AKAP13: variants seen among roughly 807,000 people sequenced by gnomAD.
AKAP13 encodes the protein A-kinase anchoring protein 13, also known as A-kinase anchor protein 13.
Under a neutral mutation model 264.5 loss-of-function variants are expected in AKAP13, and 80 were observed. The observed-to-expected ratio is 0.30, with a 90% CI of 0.25 to 0.36. AKAP13 has a LOEUF of 0.36. AKAP13 is among the 10% of genes least tolerant of loss of function. The pLI is 1.00. For synonymous variants in AKAP13, 1,380 were observed against 1,250.2 expected, an observed-to-expected ratio of 1.10 and a Z score of -2.19; for missense variants, 3,712 against 3,435.2, an observed-to-expected ratio of 1.08 and a Z score of -2.01.
chr15:85,576,009 C>A (rs962342260), intron 6 of AKAP13, among the ~76,000 whole-genome samples: 1 of 152,146 alleles, frequency 6.6e-6, no homozygotes, highest in Non-Finnish European at 1.5e-5. Flanking sequence ...GAAGGACTTT[C>A]CCCAAAGATT....
intron 8 of AKAP13, chr15:85,619,703 G>T: frequency 1.0e-6 from 1 of 995,738 alleles, no homozygotes; most frequent in African/African-American, 1.7e-5. Flanking sequence ...TGTATCGGCC[G>T]TTATGCTTAG....
At chr15:85,695,210 G>A (rs1417168447) in intron 17 of AKAP13, among the ~76,000 whole-genome samples, 1 of 152,188 alleles carries the variant, frequency 6.6e-6, no homozygotes, top group African/African-American at 2.4e-5. Flanking sequence ...TTCGAAACCA[G>A]CCTGGCCAAC....
chr15:85,560,877 T>C (rs940386793), intron 5 of AKAP13, among the ~76,000 whole-genome samples: 1 of 152,132 alleles, frequency 6.6e-6, no homozygotes, highest in Non-Finnish European at 1.5e-5. Context: ...TGGCCAGTAT[T>C]AACTCTGCTT....
intron 25 of AKAP13, 37 bp downstream of exon 25, chr15:85,722,384 G>A: frequency 6.5e-7 from 1 of 1,533,672 alleles, no homozygotes; most frequent in Non-Finnish European, 8.9e-7. Flanking sequence ...GTATGGTCAT[G>A]GACTGTTTCC....
At position 85,683,049 on chromosome 15, in the gene AKAP13, G is replaced by C. The variant is rs184001354; in HGVS notation, c.5156+837G>C. ...TATGAGATAGAATATTCTACTTGAA[G>C]TTTAATTGGGGTTCCTATGGCTGCC... On this transcript the variant is annotated intron_variant, in intron 15 of 36. Coordinates refer to ENST00000394518, the MANE Select transcript of AKAP13 (RefSeq NM_007200.5). Among the ~76,000 whole-genome samples, 437 of 152,330 alleles carry C rather than the reference G, an allele frequency of 2.9e-3. 1 individual carries two copies. Among genetic ancestry groups the C allele is most frequent in the Middle Eastern group, 6.8e-3 (2 of 294 alleles).
intron 1 of AKAP13, among the ~76,000 whole-genome samples, chr15:85,396,581 A>G (rs1290951057): frequency 6.6e-6 from 1 of 152,164 alleles, no homozygotes; most frequent in Non-Finnish European, 1.5e-5. Context: ...TTGTCCTGAA[A>G]GTCACTACGA....
At chr15:85,523,523 C>T (rs528343556) in intron 3 of AKAP13, among the ~76,000 whole-genome samples, 89 of 152,276 alleles carry the variant, frequency 5.8e-4, no homozygotes, top group Middle Eastern at 3.4e-3. Flanking sequence ...TCCCTATCCC[C>T]CTTTCCTGCT....
rs149297989 is a variant in AKAP13 at position 85,423,670 on chromosome 15, T to G, written c.-12+42872T>G. ...TCCTGTTAATGTTGATATTTTGATG[T>G]TCTCCCCTGAATTGTGAATGTTCTT... On this transcript the variant is annotated intron_variant, in intron 1 of 36. Transcript: ENST00000394518. Among the ~76,000 whole-genome samples, 130 of 152,362 alleles carry G rather than the reference T, an allele frequency of 8.5e-4. 1 individual carries two copies. Among genetic ancestry groups the G allele is most frequent in the African/African-American group, 2.9e-3 (120 of 41,590 alleles).
At chr15:85,553,687 C>A (rs887237703) in intron 5 of AKAP13, among the ~76,000 whole-genome samples, 1 of 152,136 alleles carries the variant, frequency 6.6e-6, no homozygotes, top group Non-Finnish European at 1.5e-5. Flanking sequence ...AATCAGGGGT[C>A]CCCACCGCCT....
intron 4 of AKAP13, among the ~76,000 whole-genome samples, chr15:85,543,290 C>T (rs2077630304): frequency 6.6e-6 from 1 of 152,164 alleles, no homozygotes; most frequent in Non-Finnish European, 1.5e-5. Context: ...GTTTAACTAG[C>T]CAACTCCTGT....
At chr15:85,597,523 A>T (rs930273090) in intron 8 of AKAP13, among the ~76,000 whole-genome samples, 4 of 152,196 alleles carry the variant, frequency 2.6e-5, no homozygotes, top group African/African-American at 9.7e-5. Flanking sequence ...CCCATACATT[A>T]AGAAAAATTA....
chr15:85,636,888 T>C (rs1244374470), intron 8 of AKAP13, among the ~76,000 whole-genome samples: 1 of 152,230 alleles, frequency 6.6e-6, no homozygotes, highest in South Asian at 2.1e-4. Context: ...GTGCTGGGAT[T>C]ACAGGCATGA....
intron 8 of AKAP13, among the ~76,000 whole-genome samples, chr15:85,586,795 G>A (rs760480077): frequency 6.6e-6 from 1 of 151,952 alleles, no homozygotes; most frequent in South Asian, 2.1e-4. Context: ...GGGCGTGGTG[G>A]CAGGTGCCTG....
At chr15:85,604,408 A>T (rs1480249050) in intron 8 of AKAP13, among the ~76,000 whole-genome samples, 1 of 152,006 alleles carries the variant, frequency 6.6e-6, no homozygotes, top group African/African-American at 2.4e-5. Flanking sequence ...TCTGTATAGA[A>T]TTTGGATAAT....
intron 17 of AKAP13, among the ~76,000 whole-genome samples, chr15:85,705,593 A>T (rs2086186606): frequency 1.4e-5 from 2 of 140,058 alleles, no homozygotes; most frequent in African/African-American, 2.8e-5. Context: ...GAACGACATT[A>T]GAGTGTGATG....
At chr15:85,470,904 G>A (rs2074936940) in intron 1 of AKAP13, among the ~76,000 whole-genome samples, 1 of 152,226 alleles carries the variant, frequency 6.6e-6, no homozygotes, top group Admixed American at 6.5e-5. Flanking sequence ...AGTTGGTTAA[G>A]TTTCAGTGTA....
intron 2 of AKAP13, among the ~76,000 whole-genome samples, chr15:85,487,392 T>G (rs550793847): frequency 3.4e-4 from 52 of 152,330 alleles, no homozygotes; most frequent in African/African-American, 1.2e-3. Flanking sequence ...TTGTTAGGTG[T>G]GGGTTTTTCA....
intron 1 of AKAP13, among the ~76,000 whole-genome samples, chr15:85,396,073 ATATT>A (rs963008156): frequency 2.0e-5 from 3 of 152,160 alleles, no homozygotes; most frequent in Non-Finnish European, 2.9e-5. Context: ...ATACATGTAT[ATATT>A]AAACTTAATA....
chr15:85,711,857 G>C (rs909855509), intron 19 of AKAP13, among the ~76,000 whole-genome samples: 1 of 152,090 alleles, frequency 6.6e-6, no homozygotes, highest in Non-Finnish European at 1.5e-5. Flanking sequence ...AATAGAGACA[G>C]GGTCTTGCTT....
Sources: gnomAD v4.1 joint callset for allele counts (sites outside exome capture counted in the v4.1 genomes callset) on GRCh38, gnomAD v4.1.1 for gene constraint, MANE v1.5 for transcripts, NCBI Gene and HGNC (gene_info 2026-07-23, HGNC 2026-07-21) for gene names.